CDH23: variants seen among roughly 807,000 people sequenced by gnomAD.
CDH23 encodes cadherin-23.
A neutral mutation model predicts 317.1 loss-of-function variants in CDH23; 189 were observed. The ratio of observed to expected loss-of-function variants is 0.60; its 90% CI spans 0.53 to 0.67. The LOEUF (loss-of-function observed/expected upper bound fraction) is 0.67, where lower values mean the gene tolerates loss of function less well. Ranked by LOEUF, CDH23 falls within the 30% of genes least tolerant of loss-of-function variation. The pLI is 0.00. For missense variants in CDH23, 4,401 were observed against 4,592.4 expected (o/e 0.96, Z 1.20); for synonymous variants, 1,839 against 1,876.8 (o/e 0.98, Z 0.52).
At chr10:71,791,896 T>G (rs572573401) in intron 47 of CDH23, among the ~76,000 whole-genome samples, 1 of 152,072 alleles carries the variant, frequency 6.6e-6, no homozygotes, top group South Asian at 2.1e-4. Flanking sequence ...CTAAGTATTC[T>G]CCATTTGAAT....
rs181412591 is a variant in CDH23, at chr10:71,552,001, G to A, written c.430-14741G>A. On this transcript the variant is annotated intron_variant, in intron 6 of 69. Transcript: ENST00000224721. Reference sequence around the variant, plus strand: ...TCAGGTGAGTGGACCTCCTTGGGCTGTCCCCGCCCAAGTATAAGAACCTGA... The same window carrying A: ...TCAGGTGAGTGGACCTCCTTGGGCTATCCCCGCCCAAGTATAAGAACCTGA... Among the ~76,000 whole-genome samples, 1,414 of 152,336 alleles carry A rather than the reference G, an allele frequency of 9.3e-3. 8 individuals are homozygous for A. The highest frequency in any genetic ancestry group is 0.015 in the Non-Finnish European group (1,021 of 68,034).
intron 3 of CDH23, among the ~76,000 whole-genome samples, chr10:71,465,187 G>A (rs1269317495): frequency 2.0e-5 from 3 of 152,264 alleles, no homozygotes; most frequent in African/African-American, 7.2e-5. Flanking sequence ...CATGTGTTGA[G>A]TGGTTACTGT....
intron 6 of CDH23, among the ~76,000 whole-genome samples, chr10:71,515,394 T>TCTCTCTCTCTCTCTCTCACACACA (rs1491490493): frequency 7.1e-4 from 19 of 26,690 alleles, no homozygotes; most frequent in African/African-American, 1.6e-3. Context: ...TCTCTCTCTC[T>TCTCTCTCTCTCTCTCTCACACACA]CACACACACA....
intron 1 of CDH23, among the ~76,000 whole-genome samples, chr10:71,434,874 G>T (rs1400718629): frequency 6.6e-6 from 1 of 152,128 alleles, no homozygotes; most frequent in East Asian, 1.9e-4. Flanking sequence ...AGCCTGGGAG[G>T]GCAGATGAAA....
chr10:71,643,515 C>T (rs1350110761), intron 11 of CDH23, among the ~76,000 whole-genome samples: 8 of 152,106 alleles, frequency 5.3e-5, no homozygotes, highest in Non-Finnish European at 7.4e-5. Context: ...ACACTGAGGC[C>T]TTCTGGGTGA....
chr10:71,617,791 G>T (rs1861270975), intron 11 of CDH23, among the ~76,000 whole-genome samples: 1 of 152,088 alleles, frequency 6.6e-6, no homozygotes, highest in African/African-American at 2.4e-5. Flanking sequence ...TTAGAAGTTT[G>T]AGACCAGCCT....
chr10:71,734,959 C>G (rs763829505), intron 34 of CDH23, among the ~76,000 whole-genome samples: 1 of 152,250 alleles, frequency 6.6e-6, no homozygotes, highest in Non-Finnish European at 1.5e-5. Flanking sequence ...CTCCACTCCT[C>G]GATGGCTGTG....
intron 8 of CDH23, among the ~76,000 whole-genome samples, chr10:71,574,325 G>A (rs1007631356): frequency 2.0e-5 from 3 of 152,056 alleles, no homozygotes; most frequent in Non-Finnish European, 4.4e-5. Flanking sequence ...TTCCTCACTC[G>A]AGCAGCAGCA....
chr10:71,549,423 T>C (rs1856462393), intron 6 of CDH23, among the ~76,000 whole-genome samples: 1 of 152,266 alleles, frequency 6.6e-6, no homozygotes, highest in African/African-American at 2.4e-5. Flanking sequence ...AGGGGTCATC[T>C]ACTGGATCTC....
intron 34 of CDH23, 68 bp from the exon 35 acceptor site, chr10:71,738,430 T>G: frequency 6.3e-7 from 1 of 1,597,908 alleles, no homozygotes; most frequent in East Asian, 2.2e-5. Flanking sequence ...GGACCCACGG[T>G]GGGACCCAGG....
At position 71,751,850 on chromosome 10, in the gene CDH23, C is replaced by T. The variant is rs141431398; in HGVS notation, c.4845+9929C>T. 15 of 1,550,438 alleles carry T rather than the reference C, an allele frequency of 9.7e-6. No individual in the cohort carries two copies. Among genetic ancestry groups the T allele is most frequent in the African/African-American group, 1.4e-5 (1 of 72,724 alleles). ...GGCTTCAAAGCCGGGGTTTTCAATC[C>T]CTTGAATGTTGCTGCCACAGAACCA... is the stretch of plus-strand genomic sequence containing the variant. On this transcript the variant is annotated intron_variant, in intron 38 of 69. Coordinates refer to ENST00000224721, the MANE Select transcript of CDH23 (RefSeq NM_022124.6). This position sits in a 1 kb window ranked among gnomAD's most constrained non-coding sequence, Gnocchi z 4.9.
At chr10:71,807,481 T>TGCCCCC in intron 58 of CDH23, 35 bp from the exon 59 acceptor site, 1 of 1,612,652 alleles carries the variant, frequency 6.2e-7, no homozygotes, top group Non-Finnish European at 8.5e-7. Context: ...CTCCTGGCCC[T>TGCCCCC]GCCCCCTCAC....
intron 3 of CDH23, among the ~76,000 whole-genome samples, chr10:71,456,339 G>A (rs1850694383): frequency 6.6e-6 from 1 of 151,878 alleles, no homozygotes; most frequent in South Asian, 2.1e-4. Context: ...CCCCAGGAGG[G>A]CTTGGGTGCT....
At chr10:71,784,173 G>A (rs1460707283) in intron 41 of CDH23, 114 bp from the exon 42 acceptor site, 1 of 1,191,676 alleles carries the variant, frequency 8.4e-7, no homozygotes, top group Non-Finnish European at 1.2e-6. Flanking sequence ...CCGGGCCCCA[G>A]CTGTCCCCCA....
intron 11 of CDH23, among the ~76,000 whole-genome samples, chr10:71,623,184 G>T (rs1267226101): frequency 1.3e-5 from 2 of 152,202 alleles, no homozygotes; most frequent in African/African-American, 4.8e-5. Context: ...TGAGTGACAG[G>T]GTGGGATAGG....
chr10:71,737,696 C>T (rs1314102473), intron 34 of CDH23: 2 of 470,314 alleles, frequency 4.3e-6, no homozygotes, highest in Non-Finnish European at 8.8e-6. Context: ...CTCCAACCCC[C>T]CTCACACCCT....
intron 14 of CDH23, among the ~76,000 whole-genome samples, chr10:71,647,462 C>A (rs1216626195): frequency 6.8e-6 from 1 of 147,976 alleles, no homozygotes; most frequent in Non-Finnish European, 1.5e-5. Context: ...GATTCTGTCT[C>A]AAAAAAAAAA....
At position 71,785,050 on chromosome 10, in the gene CDH23, TTCAA is replaced by T; in HGVS notation, c.5663_5666del (p.Phe1888SerfsTer22). The T allele has an allele frequency of 6.2e-7, 1 of 1,614,092 alleles. No homozygotes were observed. On this transcript the variant is annotated frameshift_variant, in exon 43 of 70. Transcript: ENST00000224721. LOFTEE classifies it high-confidence loss of function. Reference sequence around the variant, plus strand: ...CAGTGGCTGCAATGCACGCCTCACCTTCAACATCACTGCGGGCAACCGCGAGCGG... The same window carrying T: ...CAGTGGCTGCAATGCACGCCTCACCTCATCACTGCGGGCAACCGCGAGCGG...
chr10:71,622,851 C>T (rs920147537), intron 11 of CDH23: 3 of 786,534 alleles, frequency 3.8e-6, no homozygotes, highest in Middle Eastern at 6.4e-4. Flanking sequence ...CCACTCTCTT[C>T]CCCACCCCAG....
Sources: allele counts gnomAD v4.1 joint callset (sites outside exome capture counted in the v4.1 genomes callset), GRCh38; gene constraint gnomAD v4.1.1; non-coding constraint Gnocchi (gnomAD v3.1); transcripts MANE v1.5; gene names NCBI Gene and HGNC (gene_info 2026-07-23, HGNC 2026-07-21).